Variants in RMDN2 observed in about 807,000 individuals in gnomAD.
RMDN2 encodes the protein regulator of microtubule dynamics 2.
In RMDN2, 61 loss-of-function variants were observed where a neutral mutation model predicts 52.8. That is an observed-to-expected ratio of 1.16 (90% confidence interval 0.94 to 1.43). RMDN2 has a LOEUF of 1.43. RMDN2 is among the 40% of genes most tolerant of loss of function. RMDN2 has a pLI of 0.00. For synonymous variants in RMDN2, 180 were observed against 153.1 expected (o/e 1.18, Z -1.30); for missense variants, 592 against 475.3 (o/e 1.25, Z -2.28).
intron 8 of RMDN2, among the ~76,000 whole-genome samples, chr2:37,998,827 C>A (rs1675928786): frequency 6.6e-6 from 1 of 152,100 alleles, no homozygotes; most frequent in Admixed American, 6.5e-5. Context: ...ACCTCAGGAA[C>A]TTAATTTGTT....
At chr2:37,970,803 A>G (rs1343368451) in intron 2 of RMDN2, among the ~76,000 whole-genome samples, 1 of 152,156 alleles carries the variant, frequency 6.6e-6, no homozygotes, top group Non-Finnish European at 1.5e-5. Context: ...ATACCTTTAT[A>G]AAAGCTGTAT....
chr2:37,929,198 C>T, intron 1 of RMDN2, 64 bp from the exon 2 acceptor site: 1 of 942,360 alleles, frequency 1.1e-6, no homozygotes, highest in Admixed American at 3.0e-5. Context: ...GAAAAAGCAC[C>T]TATATTTTTG....
At chr2:37,935,734 ATTTTGTAACATG>A (rs918637195) in intron 2 of RMDN2, among the ~76,000 whole-genome samples, 3 of 152,156 alleles carry the variant, frequency 2.0e-5, no homozygotes, top group African/African-American at 7.2e-5. Context: ...TGGCACACAC[ATTTTGTAACATG>A]TTTTGCAATA....
At chr2:38,001,169 A>G (rs931231153) in intron 8 of RMDN2, among the ~76,000 whole-genome samples, 3 of 152,228 alleles carry the variant, frequency 2.0e-5, no homozygotes, top group African/African-American at 4.8e-5. Flanking sequence ...AAGAAGAGCT[A>G]ATTTGTTCAA....
rs1156967709 is a variant in RMDN2, at chr2:37,980,548, C to T, written c.731-735C>T. Among the ~76,000 whole-genome samples the T allele has an allele frequency of 2.0e-5, 3 of 152,184 alleles. No homozygotes were observed. In the East Asian group the frequency reaches 5.8e-4, roughly 29 times the overall value. On this transcript the variant is annotated intron_variant, in intron 4 of 10. Coordinates refer to ENST00000354545, the MANE Select transcript of RMDN2 (RefSeq NM_001170791.3). ...CGAATTCCTGACCTCAGGTGATCCA[C>T]CTGCCTCGGCCTCCCAAAGTGCTAG... is the stretch of plus-strand genomic sequence containing the variant.
intron 2 of RMDN2, among the ~76,000 whole-genome samples, chr2:37,938,567 T>G (rs924914419): frequency 6.6e-6 from 1 of 152,228 alleles, no homozygotes; most frequent in African/African-American, 2.4e-5. Context: ...TGCCTCAATT[T>G]CAGAACTTGT....
rs531047442 is a variant in RMDN2, at chr2:37,992,683, A to C, written c.945+1386A>C. 6.6e-5 allele frequency among the ~76,000 whole-genome samples: 10 copies of C among 152,348 alleles called. No homozygotes were observed. In the East Asian group the frequency reaches 1.5e-3, roughly 24 times the overall value. On this transcript the variant is annotated intron_variant, in intron 7 of 10. Transcript: ENST00000354545. Reference sequence around the variant, plus strand: ...CAAGTATTTGTTTCTTAAATGATTGATTCACTAAAACTAGAGAAAAAGTAC... The same window carrying C: ...CAAGTATTTGTTTCTTAAATGATTGCTTCACTAAAACTAGAGAAAAAGTAC...
At chr2:37,937,392 T>A (rs1667397866) in intron 2 of RMDN2, among the ~76,000 whole-genome samples, 1 of 152,218 alleles carries the variant, frequency 6.6e-6, no homozygotes, top group Non-Finnish European at 1.5e-5. Flanking sequence ...CCTTTTTGGT[T>A]CCATATGAAA....
At position 37,929,677 on chromosome 2, in the gene RMDN2, A is replaced by T. The variant is rs781263069; in HGVS notation, c.400A>T (p.Ile134Phe). 8 of 1,532,092 alleles carry T rather than the reference A, an allele frequency of 5.2e-6. No homozygotes were observed. The African/African-American group carries it at 1.1e-4, about 21-fold the overall frequency. 94.9% of individuals were successfully genotyped at this position (1,532,092 alleles called of 1,614,324 possible). ...HRARKRRLPTIQSSATSNSSE... is the reference protein window; with the variant it reads ...HRARKRRLPTFQSSATSNSSE... ...AGCGAGAAAAAGAAGACTCCCCACAATTCAAAGTTCAGCAACAAGTAATAG... is the reference window on the plus strand; with the variant it reads ...AGCGAGAAAAAGAAGACTCCCCACATTTCAAAGTTCAGCAACAAGTAATAG... The change falls in exon 2 of 11, where the codon ATT becomes TTT. Residue 134 changes from isoleucine to phenylalanine, a missense_variant. Physicochemically the swap from Ile to Phe is conservative, Grantham distance 21. Coordinates refer to ENST00000354545, the MANE Select transcript of RMDN2 (RefSeq NM_001170791.3).
At chr2:37,991,622 A>G (rs552073180) in intron 7 of RMDN2, among the ~76,000 whole-genome samples, 4 of 152,168 alleles carry the variant, frequency 2.6e-5, no homozygotes. Context: ...TGCAGTAGTC[A>G]CGTTCCCTCC....
intron 2 of RMDN2, among the ~76,000 whole-genome samples, chr2:37,961,182 C>T (rs775948574): frequency 2.0e-5 from 3 of 152,064 alleles, no homozygotes; most frequent in South Asian, 2.1e-4. Flanking sequence ...TTGCTCTTCT[C>T]GAGGAGTATC....
chr2:37,942,042 G>A (rs190961111), intron 2 of RMDN2, among the ~76,000 whole-genome samples: 26 of 152,206 alleles, frequency 1.7e-4, no homozygotes, highest in African/African-American at 6.0e-4. Context: ...GTAGGCACCC[G>A]AGGAAATCTC....
chr2:37,974,786 A>G (rs1558496359), intron 3 of RMDN2: 2 of 169,016 alleles, frequency 1.2e-5, no homozygotes, highest in Non-Finnish European at 2.5e-5. Context: ...TATTTAGGTA[A>G]TTTGAGTAAA....
At chr2:38,007,219 T>C (rs1677234844) in intron 10 of RMDN2, among the ~76,000 whole-genome samples, 1 of 152,212 alleles carries the variant, frequency 6.6e-6, no homozygotes, top group African/African-American at 2.4e-5. Flanking sequence ...GCTGGCCTCA[T>C]AAAATGAGTT....
intron 2 of RMDN2, chr2:37,951,527 C>T: frequency 6.2e-7 from 1 of 1,612,206 alleles, no homozygotes. Context: ...CTGAAGAAGA[C>T]ACAGGCTTCA....
At chr2:38,028,550 A>G (rs1325352028) in intron 10 of RMDN2, among the ~76,000 whole-genome samples, 1 of 152,178 alleles carries the variant, frequency 6.6e-6, no homozygotes, top group Non-Finnish European at 1.5e-5. Flanking sequence ...TAGTAATGGC[A>G]TGTAGCAACT....
intron 4 of RMDN2, among the ~76,000 whole-genome samples, chr2:37,977,723 G>T (rs959284062): frequency 8.6e-5 from 13 of 151,796 alleles, no homozygotes; most frequent in African/African-American, 2.9e-4. Flanking sequence ...ATCTCAGATG[G>T]GGCGGCGGGG....
In RMDN2 at chr2:37,929,502, A is replaced by G; in HGVS notation, c.225A>G (p.Ile75Met). Residue 75 changes from isoleucine to methionine, a missense_variant, in exon 2 of 11, where the codon ATA (isoleucine) becomes ATG (methionine). Transcript: ENST00000354545. The part of the protein sequence containing the change: ...TVIFQERQLQ[I>M]LEKLNELLTN... ...TCTTTCAAGAAAGGCAACTTCAGAT[A>G]CTGGAGAAGTTAAACGAATTACTGA... 1.3e-6 allele frequency: 2 copies of G among 1,550,978 alleles called. No individual in the cohort carries two copies. Among genetic ancestry groups the G allele is most frequent in the Non-Finnish European group, 8.7e-7 (1 of 1,146,178 alleles).
intron 10 of RMDN2, chr2:38,035,868 C>G (rs1229830879): frequency 6.6e-6 from 1 of 152,124 alleles, no homozygotes; most frequent in Non-Finnish European, 1.5e-5. Context: ...TCCAAGCATT[C>G]ACAACCGTAT....
Sources: allele counts gnomAD v4.1 joint callset (sites outside exome capture counted in the v4.1 genomes callset), GRCh38; gene constraint gnomAD v4.1.1; transcripts MANE v1.5; gene names NCBI Gene and HGNC (gene_info 2026-07-23, HGNC 2026-07-21).